Variants in SLC2A6 observed in about 807,000 individuals in gnomAD.
The protein encoded by SLC2A6 is solute carrier family 2, facilitated glucose transporter member 6.
In SLC2A6, 39 loss-of-function variants were observed where a neutral mutation model predicts 47.8. The ratio of observed to expected loss-of-function variants is 0.82; its 90% confidence interval spans 0.63 to 1.07. The LOEUF (loss-of-function observed/expected upper bound fraction) is 1.07. SLC2A6 is among the 50% of genes least tolerant of loss of function. The probability of loss-of-function intolerance (pLI) is 0.00; values close to 1 mark genes in which losing one functional copy is unlikely to be tolerated. For missense variants in SLC2A6, 650 were observed against 707.6 expected (o/e 0.92, Z 0.92); for synonymous variants, 346 against 324.1 (o/e 1.07, Z -0.73).
Position 133,473,102 on chromosome 9 carries a change from C to T in SLC2A6, c.1368+3G>A. ...GGCCTGGGGCCTGGGGCTGAACACT[C>T]ACCACCACTGGCAGGAAGGACTTGG... On this transcript the variant is annotated splice_donor_region_variant and intron_variant, in intron 9 of 9. Transcript: ENST00000371899. 1.2e-6 allele frequency: 2 copies of T among 1,606,202 alleles called. No individual in the cohort carries two copies. Among genetic ancestry groups the T allele is most frequent in the Non-Finnish European group, 8.5e-7 (1 of 1,177,598 alleles).
At chr9:133,476,119 C>T (rs1843938746) in intron 4 of SLC2A6, 118 bp downstream of exon 4, 2 of 810,406 alleles carry the variant, frequency 2.5e-6, no homozygotes, top group Non-Finnish European at 1.9e-6. Flanking sequence ...TGCCAGATCT[C>T]TTGCCTCTCA....
chr9:133,477,427 C>T (rs1028531811), intron 2 of SLC2A6, among the ~76,000 whole-genome samples, 186 bp from the exon 3 acceptor site: 8 of 152,236 alleles, frequency 5.3e-5, no homozygotes, highest in South Asian at 2.1e-4. Flanking sequence ...GATGCCCAAA[C>T]GGGGAATTCT....
At position 133,473,108 on chromosome 9, in the gene SLC2A6, C is replaced by T. The variant is rs1407238832; in HGVS notation, c.1365G>A (p.Val455=). The T allele has an allele frequency of 1.2e-6, 2 of 1,608,314 alleles. No individual in the cohort carries two copies. The highest frequency in any genetic ancestry group is 2.2e-5 in the East Asian group (1 of 44,596). The change falls in exon 9 of 10, where the codon GTG becomes GTA. Residue 455 remains valine, a synonymous_variant. Coordinates refer to ENST00000371899, the MANE Select transcript of SLC2A6 (RefSeq NM_017585.4). ...GGGCCTGGGGCTGAACACTCACCAC[C>T]ACTGGCAGGAAGGACTTGGTGAGGA... The part of the protein sequence containing the change: ...AFVLTKSFLP[V]VSTFGLQVPF...
chr9:133,475,330 C>T lies in SLC2A6; in HGVS notation c.774+70G>A, dbSNP rs1001309597. The T allele has an allele frequency of 3.1e-4, 464 of 1,473,206 alleles. 4 individuals carry two copies. The highest frequency in any genetic ancestry group is 8.3e-5 in the Non-Finnish European group (92 of 1,106,974). 91.3% of individuals were successfully genotyped at this position (1,473,206 alleles called of 1,614,324 possible). A position where few individuals can be genotyped will look rare whatever the true frequency, so the allele number is the denominator to read the frequency against. On this transcript the variant is annotated intron_variant, in intron 5 of 9. Transcript: ENST00000371899. ...CTGTGGTCCTGTCTTCCAGGAAAAG[C>T]CTCCACGGCCACACACAGCTGAAGT...
rs782204046 is a variant in SLC2A6 at position 133,473,074 on chromosome 9, A to AGGGGCCT, written c.1368+24_1368+30dup. The AGGGGCCT allele has an allele frequency of 3.5e-5, 56 of 1,585,878 alleles. No homozygotes were observed. The South Asian group carries it at 3.8e-4, about 11-fold the overall frequency. On this transcript the variant is annotated intron_variant, in intron 9 of 9. Transcript: ENST00000371899. The stretch of plus-strand genomic sequence containing the variant: ...GGTCCTGGCCAGTCAGAGAGGGCCT[A>AGGGGCCT]GGGGCCTGGGGCCTGGGGCTGAACA...
At position 133,477,117 on chromosome 9, in the gene SLC2A6, G is replaced by A. The variant is rs375116279; in HGVS notation, c.380C>T (p.Ala127Val). 1.3e-5 allele frequency: 20 copies of A among 1,548,800 alleles called. No homozygotes were observed. Among genetic ancestry groups the A allele is most frequent in the Middle Eastern group, 1.8e-4 (1 of 5,570 alleles). The change falls in exon 3 of 10, where the codon GCG becomes GTG. Residue 127 changes from alanine (A) to valine (V), a missense_variant. Coordinates refer to ENST00000371899, the MANE Select transcript of SLC2A6 (RefSeq NM_017585.4). ...CAGCATCCAGAGGCCGTGCGCACCC[G>A]CCATGAGCGCATAGCCGGCCGCCGA... ...VPSAAGYALM[A>V]GAHGLWMLLL...
At chr9:133,472,490 C>T (rs587733829) in intron 9 of SLC2A6, among the ~76,000 whole-genome samples, 7 of 152,236 alleles carry the variant, frequency 4.6e-5, no homozygotes, top group Admixed American at 2.6e-4. Context: ...CCGCGGCCTG[C>T]AGGAGGCCCG....
intron 9 of SLC2A6, among the ~76,000 whole-genome samples, chr9:133,472,391 G>A (rs896998708): frequency 1.3e-5 from 2 of 151,510 alleles, no homozygotes; most frequent in African/African-American, 4.9e-5. Flanking sequence ...TCTGCCCCTC[G>A]GCCTTCCTCA....
At position 133,478,239 on chromosome 9, in the gene SLC2A6, G is replaced by A; in HGVS notation, c.255+15C>T. The A allele has an allele frequency of 6.2e-7, 1 of 1,613,620 alleles. No individual in the cohort carries two copies. The stretch of plus-strand genomic sequence containing the variant: ...TCCTTCCTGCACCCACCCTCCTCCA[G>A]AGGATGGTCCTTACCCCAAACCAGG... On this transcript the variant is annotated intron_variant, in intron 2 of 9. Coordinates refer to ENST00000371899, the MANE Select transcript of SLC2A6 (RefSeq NM_017585.4).
chr9:133,475,590 C>G lies in SLC2A6; in HGVS notation c.584G>C (p.Trp195Ser), dbSNP rs1554803141. The change falls in exon 5 of 10, where the codon TGG becomes TCG. Residue 195 changes from tryptophan (W) to serine (S), a missense_variant. Transcript: ENST00000371899. ...YALGLLLPWR[W>S]LAVAGEAPVL... Reference sequence around the variant, plus strand: ...AGGCGCCTCCCCGGCCACAGCCAGCCAGCGCCACGGCAGCAGGAGGCCTGG... The same window carrying G: ...AGGCGCCTCCCCGGCCACAGCCAGCGAGCGCCACGGCAGCAGGAGGCCTGG... 78 of 1,602,156 alleles carry G rather than the reference C, an allele frequency of 4.9e-5. No individual in the cohort carries two copies. The highest frequency in any genetic ancestry group is 6.5e-5 in the Non-Finnish European group (76 of 1,176,410).
intron 9 of SLC2A6, 50 bp downstream of exon 9, chr9:133,473,055 G>A: frequency 6.4e-7 from 1 of 1,553,348 alleles, no homozygotes; most frequent in Non-Finnish European, 8.7e-7. Context: ...GAAGGGTCCT[G>A]GCCAGTCAGA....
chr9:133,472,805 GA>G (rs1330396040), intron 9 of SLC2A6, among the ~76,000 whole-genome samples: 2 of 152,206 alleles, frequency 1.3e-5, no homozygotes, highest in Non-Finnish European at 2.9e-5. Flanking sequence ...GCACGGTGGG[GA>G]GGTGGCTTCC....
At chr9:133,476,554 C>T (rs367661509) in intron 3 of SLC2A6, 632 of 593,606 alleles carry the variant, frequency 1.1e-3, no homozygotes, top group Non-Finnish European at 1.6e-3. Context: ...TGGAAGTACG[C>T]AGCTCGGAAA....
At chr9:133,473,652 T>C in intron 7 of SLC2A6, 52 bp from the exon 8 acceptor site, 1 of 1,455,246 alleles carries the variant, frequency 6.9e-7, no homozygotes, top group Non-Finnish European at 9.1e-7. Flanking sequence ...AGCCAGCTGT[T>C]TCTCTCAGAG....
intron 1 of SLC2A6, 22 bp downstream of exon 1, chr9:133,478,945 GC>G: frequency 6.5e-7 from 1 of 1,538,120 alleles, no homozygotes. Context: ...CCCACCCGCA[GC>G]CCCCAACCTA....
At chr9:133,473,330 A>T in intron 8 of SLC2A6, 80 bp from the exon 9 acceptor site, 7 of 1,536,600 alleles carry the variant, frequency 4.6e-6, no homozygotes, top group Non-Finnish European at 6.1e-6. Context: ...GCTGCTGGAG[A>T]CCCCCCTCTC....
At position 133,474,088 on chromosome 9, in the gene SLC2A6, G is replaced by A. The variant is rs1554802623; in HGVS notation, c.928C>T (p.Pro310Ser). The A allele has an allele frequency of 1.3e-6, 2 of 1,597,202 alleles. No individual in the cohort carries two copies. Among genetic ancestry groups the A allele is most frequent in the East Asian group, 2.3e-5 (1 of 44,366 alleles). ...ACGATGGCTGCGTCGTCCTTGGGGG[G>A]CTATCGGGGGGAGACCACCAGGGCT... Reference protein sequence around the residue: ...SIFDSTAVLLPPKDDAAIVGA... With the variant: ...SIFDSTAVLLSPKDDAAIVGA... Residue 310 changes from proline to serine, a missense_variant and splice_region_variant, in exon 7 of 10, where the codon CCC becomes TCC. Coordinates refer to ENST00000371899, the MANE Select transcript of SLC2A6 (RefSeq NM_017585.4).
intron 4 of SLC2A6, 97 bp from the exon 5 acceptor site, chr9:133,475,708 G>T: frequency 2.7e-6 from 3 of 1,119,554 alleles, no homozygotes; most frequent in Non-Finnish European, 2.5e-6. Context: ...TCAAGGTCTA[G>T]TCCAAGGGCC....
rs1046944577 is a variant in SLC2A6 at position 133,477,239 on chromosome 9, G to A, written c.258C>T (p.Ser86=). The A allele has an allele frequency of 3.4e-5, 52 of 1,550,566 alleles. No homozygotes were observed. The highest frequency in any genetic ancestry group is 9.8e-5 in the East Asian group (4 of 40,942). Residue 86 remains serine, a splice_region_variant and synonymous_variant, in exon 3 of 10, where the codon TCC becomes TCT. Coordinates refer to ENST00000371899, the MANE Select transcript of SLC2A6 (RefSeq NM_017585.4). The stretch of plus-strand genomic sequence containing the variant: ...CGGCCGCTGCTCCCAGGGTGAACAC[G>A]GACTGCAGGGGAAGGGGGTGCAGGG... The part of the protein sequence containing the change: ...LTKSQASWFG[S]VFTLGAAAGG...
Sources: gnomAD v4.1 joint callset for allele counts (sites outside exome capture counted in the v4.1 genomes callset) on GRCh38, gnomAD v4.1.1 for gene constraint, MANE v1.5 for transcripts, NCBI Gene and HGNC (gene_info 2026-07-23, HGNC 2026-07-21) for gene names.